Variants in COPG2 observed in about 807,000 individuals in gnomAD.
The protein encoded by COPG2 is coatomer subunit gamma-2.
A neutral mutation model predicts 46.3 loss-of-function variants in COPG2; 37 were observed. That is an observed-to-expected ratio of 0.80 (90% CI 0.61 to 1.05). COPG2 has a LOEUF of 1.05. COPG2 is among the 50% of genes least tolerant of loss of function. The pLI, the probability that COPG2 is intolerant of heterozygous loss-of-function variation, is 0.00. For synonymous variants in COPG2, 159 were observed against 129.7 expected (o/e 1.23, Z -1.53); for missense variants, 427 against 387.8 (o/e 1.10, Z -0.85).
rs200435993 is a variant in COPG2 at position 130,511,606 on chromosome 7, A to C, written c.2150-2947T>G. 1.6e-3 allele frequency: 840 copies of C among 519,062 alleles called. 3 individuals carry two copies. The highest frequency in any genetic ancestry group is 2.5e-3 in the Non-Finnish European group (639 of 259,406). 32.2% of individuals were successfully genotyped at this position (519,062 alleles called of 1,614,324 possible). A position where few individuals can be genotyped will look rare whatever the true frequency, so the allele number is the denominator to read the frequency against. ...GGAGTTGGTCACTAAGGAATGACACACATCAACAGGAAGGTAAGACAGCAT... is the reference window on the plus strand; with the variant it reads ...GGAGTTGGTCACTAAGGAATGACACCCATCAACAGGAAGGTAAGACAGCAT... On this transcript the variant is annotated intron_variant, in intron 20 of 23. Coordinates refer to ENST00000425248, the MANE Select transcript of COPG2 (RefSeq NM_012133.6).
chr7:130,577,502 C>T (rs1268184581), intron 9 of COPG2, among the ~76,000 whole-genome samples: 1 of 152,152 alleles, frequency 6.6e-6, no homozygotes, highest in Admixed American at 6.5e-5. Context: ...TGGCTCACGC[C>T]TGTAATCCCA....
chr7:130,603,920 T>G, intron 9 of COPG2: 1 of 499,730 alleles, frequency 2.0e-6, no homozygotes, highest in Non-Finnish European at 4.0e-6. Context: ...ACAAAAATAG[T>G]TCATTAACAC....
intron 20 of COPG2, among the ~76,000 whole-genome samples, chr7:130,540,046 GGGGATGGGGTTT>G (rs1397234802): frequency 6.2e-4 from 94 of 152,200 alleles, no homozygotes; most frequent in Middle Eastern, 6.8e-3. Context: ...GTTGGGTGAA[GGGGATGGGGTTT>G]GGGATGGGAT....
At chr7:130,636,220 C>T (rs1008687813) in intron 5 of COPG2, among the ~76,000 whole-genome samples, 7 of 152,024 alleles carry the variant, frequency 4.6e-5, no homozygotes, top group South Asian at 4.2e-4. Context: ...CTATTAGGTC[C>T]GCTTGATCCA....
chr7:130,531,993 G>C, intron 20 of COPG2, among the ~76,000 whole-genome samples: 1 of 152,162 alleles, frequency 6.6e-6, no homozygotes, highest in South Asian at 2.1e-4. Flanking sequence ...AGAGAAAACC[G>C]AGCCCAAAAG....
In COPG2 at chr7:130,604,504, G is replaced by A. The variant is rs527970530; in HGVS notation, c.737+6449C>T. Reference sequence around the variant, plus strand: ...TCTTTTTGATGGGTTGCTGGAATAAGAAATAAAATGACTTCGGATATTGAC... The same window carrying A: ...TCTTTTTGATGGGTTGCTGGAATAAAAAATAAAATGACTTCGGATATTGAC... On this transcript the variant is annotated intron_variant, in intron 9 of 23. Transcript: ENST00000425248. 9.9e-5 allele frequency among the ~76,000 whole-genome samples: 15 copies of A among 152,148 alleles called. 2 individuals are homozygous for A. In the South Asian group the frequency reaches 2.9e-3, roughly 29 times the overall value.
chr7:130,592,750 G>A (rs1273311261), intron 9 of COPG2, among the ~76,000 whole-genome samples: 1 of 152,168 alleles, frequency 6.6e-6, no homozygotes, highest in Admixed American at 6.5e-5. Flanking sequence ...ATACCTGTAA[G>A]ATCTGGGTCA....
At chr7:130,639,120 C>T (rs1554456842) in intron 5 of COPG2, among the ~76,000 whole-genome samples, 1 of 152,212 alleles carries the variant, frequency 6.6e-6, no homozygotes, top group Middle Eastern at 3.2e-3. Flanking sequence ...GCAGAAATCA[C>T]CCGCCTTCCA....
intron 21 of COPG2, 50 bp downstream of exon 21, chr7:130,508,512 C>CTT: frequency 1.4e-6 from 1 of 729,324 alleles, no homozygotes; most frequent in Non-Finnish European, 2.5e-6. Context: ...GCAGAAGTCA[C>CTT]TTAGTGTTGT....
At chr7:130,621,943 C>CAAAAAAAAAAAAAAAAAAAAAAAAAAA (rs562107230) in intron 5 of COPG2, among the ~76,000 whole-genome samples, 2 of 67,540 alleles carry the variant, frequency 3.0e-5, no homozygotes, top group Non-Finnish European at 3.1e-5. Flanking sequence ...GACTCCATCT[C>CAAAAAAAAAAAAAAAAAAAAAAAAAAA]AAAAAAAAAA....
At chr7:130,662,057 ACT>A (rs1554460875) in intron 4 of COPG2, among the ~76,000 whole-genome samples, 1 of 152,106 alleles carries the variant, frequency 6.6e-6, no homozygotes, top group East Asian at 1.9e-4. Flanking sequence ...ATATGGACAG[ACT>A]CTGATGAAGC....
intron 5 of COPG2, among the ~76,000 whole-genome samples, chr7:130,619,985 C>A (rs1192544437): frequency 6.6e-6 from 1 of 152,196 alleles, no homozygotes; most frequent in Non-Finnish European, 1.5e-5. Context: ...TTTCTCTCCA[C>A]AGTACAAGTT....
Position 130,506,520 on chromosome 7 carries a change from G to A in COPG2, c.*156C>T, listed in dbSNP as rs1470433832. 6.7e-6 allele frequency: 3 copies of A among 444,882 alleles called. No homozygotes were observed. Among genetic ancestry groups the A allele is most frequent in the Non-Finnish European group, 8.0e-6 (2 of 250,556 alleles). The allele number at this position is 444,882 out of a possible 1,614,324, so 27.6% of individuals were successfully genotyped here. On this transcript the variant is annotated 3_prime_UTR_variant, in exon 24 of 24. Coordinates refer to ENST00000425248, the MANE Select transcript of COPG2 (RefSeq NM_012133.6). Reference sequence around the variant, plus strand: ...AAAAAACAACCCATGCGCAAAGATAGACATTTGCTTGATCTGCTGGCTCAG... The same window carrying A: ...AAAAAACAACCCATGCGCAAAGATAAACATTTGCTTGATCTGCTGGCTCAG...
Position 130,506,517 on chromosome 7 carries a change from A to G in COPG2, c.*159T>C. ...AAAAAAAAACAACCCATGCGCAAAG[A>G]TAGACATTTGCTTGATCTGCTGGCT... On this transcript the variant is annotated 3_prime_UTR_variant, in exon 24 of 24. Transcript: ENST00000425248. 2.1e-6 allele frequency: 1 copy of G among 474,300 alleles called. No individual in the cohort carries two copies. The highest frequency in any genetic ancestry group is 3.7e-6 in the Non-Finnish European group (1 of 267,788). The allele number at this position is 474,300 out of a possible 1,614,324, so 29.4% of individuals were successfully genotyped here.
intron 5 of COPG2, among the ~76,000 whole-genome samples, chr7:130,646,956 TGC>T (rs1211797394): frequency 4.7e-4 from 58 of 124,202 alleles, no homozygotes; most frequent in East Asian, 1.0e-3. Flanking sequence ...TATATATATA[TGC>T]ATATATATAT....
chr7:130,578,322 G>A (rs371914627), intron 9 of COPG2, among the ~76,000 whole-genome samples: 58,612 of 143,202 alleles, frequency 0.41, 14,162 homozygotes, highest in East Asian at 0.58. Context: ...AAACAGAAAG[G>A]ACATCCACAC....
intron 20 of COPG2, among the ~76,000 whole-genome samples, chr7:130,546,482 A>C (rs1793445280): frequency 6.6e-6 from 1 of 152,188 alleles, no homozygotes; most frequent in Non-Finnish European, 1.5e-5. Context: ...AGCTCAAAGG[A>C]GAAATATTGG....
intron 5 of COPG2, among the ~76,000 whole-genome samples, chr7:130,636,538 G>GTTTTTTTTTTTTTTT (rs59688621): frequency 3.2e-5 from 3 of 94,118 alleles, no homozygotes; most frequent in African/African-American, 1.3e-4. Context: ...ATTGCAACCG[G>GTTTTTTTTTTTTTTT]TTTTTTTTTT....
At chr7:130,516,465 T>C (rs1414225142) in intron 20 of COPG2, among the ~76,000 whole-genome samples, 2 of 152,168 alleles carry the variant, frequency 1.3e-5, no homozygotes, top group Non-Finnish European at 2.9e-5. Flanking sequence ...ATTAAGGATG[T>C]ACTCAGAAAT....
Sources: gnomAD v4.1 joint callset for allele counts (sites outside exome capture counted in the v4.1 genomes callset) on GRCh38, gnomAD v4.1.1 for gene constraint, MANE v1.5 for transcripts, NCBI Gene and HGNC (gene_info 2026-07-23, HGNC 2026-07-21) for gene names.